PLEKHG1: variants seen among roughly 807,000 people sequenced by gnomAD.
PLEKHG1 encodes pleckstrin homology and RhoGEF domain containing G1, also known as pleckstrin homology domain-containing family G member 1.
A neutral mutation model predicts 100.8 loss-of-function variants in PLEKHG1; 44 were observed. That is an observed-to-expected ratio of 0.44 (90% CI 0.34 to 0.56). The LOEUF is 0.56. Among genes scored for constraint, PLEKHG1 ranks in the 20% least tolerant of loss-of-function variants. The pLI is 0.01. For missense variants in PLEKHG1, 1,545 were observed against 1,720.9 expected (o/e 0.90, Z 1.81); for synonymous variants, 640 against 662.5 (o/e 0.97, Z 0.52).
chr6:150,690,944 C>T (rs917800394), intron 3 of PLEKHG1, among the ~76,000 whole-genome samples: 45 of 152,152 alleles, frequency 3.0e-4, no homozygotes, highest in African/African-American at 1.0e-3. Flanking sequence ...CAACCCAGCG[C>T]ATGCATTGTT....
chr6:150,803,536 A>G (rs560362879), intron 6 of PLEKHG1, among the ~76,000 whole-genome samples: 16 of 152,322 alleles, frequency 1.1e-4, no homozygotes, highest in African/African-American at 3.8e-4. Context: ...CAAAAGAACT[A>G]GAACAAAGAT....
exon 1 of PLEKHG1, chr6:150,599,959 G>A (rs1361367937): frequency 1.8e-5 from 4 of 227,676 alleles, no homozygotes; most frequent in Admixed American, 5.3e-5. Context: ...AGCGCAGCCC[G>A]CACCCTCCCC....
chr6:150,744,482 T>A (rs1006278622), intron 2 of PLEKHG1, among the ~76,000 whole-genome samples: 6 of 152,122 alleles, frequency 3.9e-5, no homozygotes, highest in Non-Finnish European at 7.4e-5. Flanking sequence ...TATTAAAAAA[T>A]TTTTACTGCA....
chr6:150,819,587 A>AATG, intron 11 of PLEKHG1, 92 bp from the exon 13 acceptor site: 1 of 633,728 alleles, frequency 1.6e-6, no homozygotes, highest in Non-Finnish European at 2.8e-6. Flanking sequence ...TAATAATAAT[A>AATG]ATAAATCCAT....
In PLEKHG1 at chr6:150,823,279, CAA is replaced by C. The variant is rs371636341; in HGVS notation, c.1448-370_1448-369del. Among the ~76,000 whole-genome samples the C allele has an allele frequency of 7.5e-4, 114 of 152,258 alleles. 1 individual carries two copies. The highest frequency in any genetic ancestry group is 2.6e-3 in the African/African-American group (107 of 41,560). The stretch of plus-strand genomic sequence containing the variant: ...CTTTCAGTTAAAACCAATAAAATGT[CAA>C]AAAATCAGCAGAAACAATATCATCT... On this transcript the variant is annotated intron_variant, in intron 13 of 15. Transcript: ENST00000358517.
At chr6:150,737,485 G>A (rs1441094681) in intron 2 of PLEKHG1, among the ~76,000 whole-genome samples, 1 of 151,688 alleles carries the variant, frequency 6.6e-6, no homozygotes, top group Admixed American at 6.6e-5. Context: ...GTAGAGACGG[G>A]GTTTCACCTT....
At chr6:150,603,542 G>T (rs1051339842) in intron 1 of PLEKHG1, among the ~76,000 whole-genome samples, 1 of 152,154 alleles carries the variant, frequency 6.6e-6, no homozygotes, top group Non-Finnish European at 1.5e-5. Flanking sequence ...GGGCCATAGC[G>T]TATCTAATGC....
intron 3 of PLEKHG1, among the ~76,000 whole-genome samples, chr6:150,703,538 T>A (rs1219008749): frequency 1.3e-5 from 2 of 150,568 alleles, no homozygotes; most frequent in Admixed American, 6.6e-5. Flanking sequence ...GAAGTGGAGG[T>A]TACAGTGAGC....
intron 2 of PLEKHG1, among the ~76,000 whole-genome samples, chr6:150,755,416 G>A (rs1379495698): frequency 1.3e-5 from 2 of 152,134 alleles, no homozygotes; most frequent in East Asian, 3.9e-4. Context: ...AGAATGGTGG[G>A]GGGATAATTC....
intron 10 of PLEKHG1, among the ~76,000 whole-genome samples, chr6:150,810,393 G>T (rs1787421778): frequency 6.6e-6 from 1 of 151,038 alleles, no homozygotes; most frequent in African/African-American, 2.4e-5. Context: ...CGAGTAGCTG[G>T]GACTACAGGT....
intron 3 of PLEKHG1, among the ~76,000 whole-genome samples, chr6:150,675,348 A>G (rs1359005616): frequency 1.3e-5 from 2 of 152,200 alleles, no homozygotes; most frequent in Non-Finnish European, 2.9e-5. Flanking sequence ...ACTCACACCC[A>G]GATCTTTTGT....
At chr6:150,622,893 T>G (rs1777361758) in intron 1 of PLEKHG1, among the ~76,000 whole-genome samples, 1 of 152,354 alleles carries the variant, frequency 6.6e-6, no homozygotes, top group South Asian at 2.1e-4. Flanking sequence ...GAGGGAGTTT[T>G]GTAGTGGCAT....
intron 3 of PLEKHG1, among the ~76,000 whole-genome samples, chr6:150,781,847 C>G (rs1785329748): frequency 6.6e-6 from 1 of 151,320 alleles, no homozygotes; most frequent in South Asian, 2.1e-4. Context: ...TCTCGGCTCA[C>G]TGCAAGCTCC....
chr6:150,676,525 C>T (rs1429152786), intron 3 of PLEKHG1, among the ~76,000 whole-genome samples: 1 of 152,146 alleles, frequency 6.6e-6, no homozygotes, highest in African/African-American at 2.4e-5. Context: ...AGGATGATGA[C>T]AGTCTTACCC....
chr6:150,832,516 T>G (rs924135467), intron 15 of PLEKHG1, among the ~76,000 whole-genome samples: 22 of 152,160 alleles, frequency 1.4e-4, no homozygotes, highest in Non-Finnish European at 8.8e-5. Flanking sequence ...AGTTTTAACC[T>G]GTGCTATCTC....
intron 11 of PLEKHG1, 36 bp from the exon 13 acceptor site, chr6:150,819,643 C>A: frequency 8.5e-7 from 1 of 1,177,304 alleles, no homozygotes; most frequent in Non-Finnish European, 1.3e-6. Context: ...GCCCCTGACA[C>A]CACAGTCCCA....
intron 3 of PLEKHG1, among the ~76,000 whole-genome samples, chr6:150,772,490 C>T (rs1784759715): frequency 6.6e-6 from 1 of 152,118 alleles, no homozygotes; most frequent in African/African-American, 2.4e-5. Flanking sequence ...CATGATGGCA[C>T]ATGCCTGTGG....
intron 2 of PLEKHG1, among the ~76,000 whole-genome samples, chr6:150,753,240 G>A (rs1003372588): frequency 9.9e-5 from 15 of 152,200 alleles, no homozygotes; most frequent in Non-Finnish European, 2.1e-4. Flanking sequence ...AGAGTCTGCT[G>A]TTTCAAATGG....
intron 3 of PLEKHG1, among the ~76,000 whole-genome samples, chr6:150,659,488 C>G (rs1208328071): frequency 6.6e-6 from 1 of 152,166 alleles, no homozygotes; most frequent in Non-Finnish European, 1.5e-5. Context: ...CCTACAAAAG[C>G]ATGATGCTAA....
Sources: allele counts gnomAD v4.1 joint callset (sites outside exome capture counted in the v4.1 genomes callset), GRCh38; gene constraint gnomAD v4.1.1; transcripts MANE v1.5; gene names NCBI Gene and HGNC (gene_info 2026-07-23, HGNC 2026-07-21).